CUX2: variants seen among roughly 807,000 people sequenced by gnomAD.
CUX2 encodes the protein cut like homeobox 2.
In CUX2, 40 loss-of-function variants were observed where a neutral mutation model predicts 144.8. The ratio of observed to expected loss-of-function variants is 0.28; its 90% confidence interval spans 0.21 to 0.36. CUX2 has a LOEUF of 0.36. CUX2 is among the 10% of genes least tolerant of loss of function. The probability of loss-of-function intolerance (pLI) is 1.00; values close to 1 mark genes in which losing one functional copy is unlikely to be tolerated. For missense variants in CUX2, 1,615 were observed against 1,994.0 expected (o/e 0.81, Z 3.62); for synonymous variants, 827 against 875.6 (o/e 0.94, Z 0.98).
intron 1 of CUX2, among the ~76,000 whole-genome samples, chr12:111,052,420 C>CA (rs35221422): frequency 0.037 from 4,947 of 132,598 alleles, 92 homozygotes; most frequent in Non-Finnish European, 0.045. Context: ...AGTAGGCCCT[C>CA]AAAAAAAAAA....
intron 16 of CUX2, among the ~76,000 whole-genome samples, chr12:111,313,823 G>A (rs746791986): frequency 6.6e-6 from 1 of 152,094 alleles, no homozygotes; most frequent in Non-Finnish European, 1.5e-5. Context: ...CTGTCCCTCC[G>A]TCTGCTGTGG....
intron 1 of CUX2, among the ~76,000 whole-genome samples, chr12:111,083,906 G>C (rs561876451): frequency 1.3e-5 from 2 of 152,270 alleles, no homozygotes; most frequent in Admixed American, 6.5e-5. Flanking sequence ...TTTGATGGGG[G>C]AAGAACAACA....
intron 1 of CUX2, among the ~76,000 whole-genome samples, chr12:111,117,614 C>T (rs891392802): frequency 6.6e-5 from 10 of 152,230 alleles, no homozygotes; most frequent in Non-Finnish European, 1.3e-4. Context: ...AGGAGTTCCT[C>T]TGACCCTACA....
At chr12:111,216,802 G>A (rs1881558471) in intron 2 of CUX2, among the ~76,000 whole-genome samples, 2 of 152,182 alleles carry the variant, frequency 1.3e-5, no homozygotes, top group Admixed American at 6.5e-5. Context: ...CAGTGGCTCA[G>A]GAAAGCCCTG....
rs1888283102 is a variant in CUX2, at chr12:111,334,959, T to C, written c.3196+249T>C. 2.6e-5 allele frequency among the ~76,000 whole-genome samples: 4 copies of C among 152,178 alleles called. No individual in the cohort carries two copies. In the South Asian group the frequency reaches 8.3e-4, roughly 32 times the overall value. ...TCCATGCATACAAACTTCACACGTG[T>C]TGGTGCATGCCTGTAGTCCTAGCAA... On this transcript the variant is annotated intron_variant, in intron 19 of 21. Coordinates refer to ENST00000261726, the MANE Select transcript of CUX2 (RefSeq NM_015267.4).
Position 111,293,340 on chromosome 12 carries a change from T to C in CUX2, c.437-106T>C. 1 of 1,460,200 alleles carries C rather than the reference T, an allele frequency of 6.8e-7. No individual in the cohort carries two copies. The highest frequency in any genetic ancestry group is 2.0e-4 in the Middle Eastern group (1 of 4,996). 90.5% of individuals were successfully genotyped at this position (1,460,200 alleles called of 1,614,324 possible). ...CTGCGCTCTCTCCAAGGCCCAAGTT[T>C]GGGAAATTGATCACAATCAATGATC... is the stretch of plus-strand genomic sequence containing the variant. On this transcript the variant is annotated intron_variant, in intron 5 of 21. Coordinates refer to ENST00000261726, the MANE Select transcript of CUX2 (RefSeq NM_015267.4). The surrounding 1 kb of genome is among the most constrained non-coding windows in gnomAD (Gnocchi z 4.5).
Position 111,310,540 on chromosome 12 carries a change from C to T in CUX2, c.1758C>T (p.Gly586=). Residue 586 remains glycine, a synonymous_variant, in exon 15 of 22, where the codon GGC becomes GGT. Transcript: ENST00000261726. This position sits in a 1 kb window ranked among gnomAD's most constrained non-coding sequence, Gnocchi z 7.9. ...FGHYVLGLSQ[G]SVSEILARPK... ...ATTACGTGCTGGGGCTGTCGCAGGG[C>T]TCGGTCAGCGAGATCCTAGCCCGGC... The T allele has an allele frequency of 1.2e-6, 2 of 1,614,068 alleles. No homozygotes were observed. Among genetic ancestry groups the T allele is most frequent in the Non-Finnish European group, 1.7e-6 (2 of 1,180,024 alleles).
At chr12:111,179,325 G>A (rs897617229) in intron 1 of CUX2, among the ~76,000 whole-genome samples, 5 of 152,182 alleles carry the variant, frequency 3.3e-5, no homozygotes, top group South Asian at 2.1e-4. Context: ...AACACCCGCC[G>A]TGGAGGAGTA....
chr12:111,207,570 G>A (rs1157981199), intron 1 of CUX2, among the ~76,000 whole-genome samples: 1 of 152,190 alleles, frequency 6.6e-6, no homozygotes, highest in Non-Finnish European at 1.5e-5. Context: ...TGTACTGGAA[G>A]TCATAATCAC....
At chr12:111,284,052 C>T (rs1002918723) in intron 4 of CUX2, among the ~76,000 whole-genome samples, 1 of 152,004 alleles carries the variant, frequency 6.6e-6, no homozygotes, top group Admixed American at 6.6e-5. Context: ...CTCTCTCCTT[C>T]CCCTCTTTCT....
intron 10 of CUX2, among the ~76,000 whole-genome samples, chr12:111,306,550 G>C (rs1886592851): frequency 6.6e-6 from 1 of 152,104 alleles, no homozygotes; most frequent in Non-Finnish European, 1.5e-5. Context: ...GTCTAATCCT[G>C]AGGGTCCCTT....
chr12:111,322,464 G>A lies in CUX2; in HGVS notation c.2810G>A (p.Arg937Gln), dbSNP rs1369216708. 4 of 1,583,412 alleles carry A rather than the reference G, an allele frequency of 2.5e-6. No individual in the cohort carries two copies. Among genetic ancestry groups the A allele is most frequent in the South Asian group, 1.2e-5 (1 of 86,580 alleles). Residue 937 changes from arginine (R) to glutamine (Q), a missense_variant, in exon 18 of 22, where the codon CGG becomes CAG. Coordinates refer to ENST00000261726, the MANE Select transcript of CUX2 (RefSeq NM_015267.4). This position sits in a 1 kb window ranked among gnomAD's most constrained non-coding sequence, Gnocchi z 4.2. ...SQGSVSDMLSRPKPWSKLTQK... is the reference protein window; with the variant it reads ...SQGSVSDMLSQPKPWSKLTQK... The stretch of plus-strand genomic sequence containing the variant: ...GGCAGCGTGAGCGACATGCTGTCCC[G>A]GCCGAAGCCATGGAGCAAGCTGACG...
At chr12:111,336,511 G>A (rs1237548287) in intron 19 of CUX2, among the ~76,000 whole-genome samples, 1 of 151,348 alleles carries the variant, frequency 6.6e-6, no homozygotes, top group Admixed American at 6.6e-5. Context: ...GCAGTCGTAC[G>A]ATCTCAGCTC....
rs1871575961 is a variant in CUX2 at position 111,077,097 on chromosome 12, TA to T, written c.63+42859del. 6.6e-6 allele frequency among the ~76,000 whole-genome samples: 1 copy of T among 152,162 alleles called. No homozygotes were observed. Among genetic ancestry groups the T allele is most frequent in the Admixed American group, 6.5e-5 (1 of 15,280 alleles). On this transcript the variant is annotated intron_variant, in intron 1 of 21. Coordinates refer to ENST00000261726, the MANE Select transcript of CUX2 (RefSeq NM_015267.4). This position sits in a 1 kb window ranked among gnomAD's most constrained non-coding sequence, Gnocchi z 4.1. Reference sequence around the variant, plus strand: ...TTGAACTGATTGTATTGCCTGTTCCTAACTGTTTGCAGAATACATCTCTGCC... The same window carrying T: ...TTGAACTGATTGTATTGCCTGTTCCTACTGTTTGCAGAATACATCTCTGCC...
At position 111,096,003 on chromosome 12, in the gene CUX2, C is replaced by T. The variant is rs536014964; in HGVS notation, c.63+61763C>T. Among the ~76,000 whole-genome samples, 357 of 152,292 alleles carry T rather than the reference C, an allele frequency of 2.3e-3. 4 individuals carry two copies. Among genetic ancestry groups the T allele is most frequent in the African/African-American group, 8.3e-3 (346 of 41,564 alleles). ...GGAGCTGAGTCCCCTTGTGCAAGTC[C>T]GAGCCTCCTCGAGCAAGGGCTCAGA... On this transcript the variant is annotated intron_variant, in intron 1 of 21. Transcript: ENST00000261726.
At chr12:111,042,523 C>T (rs1292729540) in intron 1 of CUX2, among the ~76,000 whole-genome samples, 1 of 152,218 alleles carries the variant, frequency 6.6e-6, no homozygotes, top group South Asian at 2.1e-4. Flanking sequence ...TGCCACTTAC[C>T]AGCTGTGTGA....
Position 111,312,042 on chromosome 12 carries a change from C to A in CUX2, c.1901-58C>A. ...GAGACAGCCCCCCTACCCCACCAGG[C>A]TCCGGAGACTGAGCCCAACATGCAG... On this transcript the variant is annotated intron_variant, in intron 15 of 21. Transcript: ENST00000261726. This position sits in a 1 kb window ranked among gnomAD's most constrained non-coding sequence, Gnocchi z 4.3. 6.7e-7 allele frequency: 1 copy of A among 1,502,056 alleles called. No homozygotes were observed. Among genetic ancestry groups the A allele is most frequent in the African/African-American group, 1.4e-5 (1 of 72,442 alleles). The allele number at this position is 1,502,056 out of a possible 1,614,324, so 93.0% of individuals were successfully genotyped here.
chr12:111,273,398 A>G (rs1277957420), intron 4 of CUX2, among the ~76,000 whole-genome samples: 2 of 152,320 alleles, frequency 1.3e-5, no homozygotes, highest in East Asian at 3.9e-4. Context: ...CCACTTGCCC[A>G]AGGTCACACA....
chr12:111,202,171 C>A (rs1316662252), intron 1 of CUX2, among the ~76,000 whole-genome samples: 1 of 152,222 alleles, frequency 6.6e-6, no homozygotes, highest in African/African-American at 2.4e-5. Context: ...CCCCTGCCCC[C>A]ATTTTGCCGG....
Sources: allele counts gnomAD v4.1 joint callset (sites outside exome capture counted in the v4.1 genomes callset), GRCh38; gene constraint gnomAD v4.1.1; non-coding constraint Gnocchi (gnomAD v3.1); transcripts MANE v1.5; gene names NCBI Gene and HGNC (gene_info 2026-07-23, HGNC 2026-07-21).